The following ZFAT variants were observed in gnomAD, a reference collection of about 807,000 sequenced individuals.
The protein encoded by ZFAT is zinc finger protein ZFAT.
In ZFAT, 64 loss-of-function variants were observed where a neutral mutation model predicts 117.7. The observed-to-expected ratio is 0.54, with a 90% CI of 0.44 to 0.67. The LOEUF (loss-of-function observed/expected upper bound fraction) is 0.67. Among genes scored for constraint, ZFAT ranks in the 30% least tolerant of loss-of-function variants. The probability of loss-of-function intolerance (pLI) is 0.00; values close to 1 mark genes in which losing one functional copy is unlikely to be tolerated. For missense variants in ZFAT, 1,433 were observed against 1,584.5 expected, an observed-to-expected ratio of 0.90 and a Z score of 1.62; for synonymous variants, 679 against 615.0, an observed-to-expected ratio of 1.10 and a Z score of -1.54.
chr8:134,679,398 C>T (rs551789239), intron 1 of ZFAT, among the ~76,000 whole-genome samples: 2 of 152,326 alleles, frequency 1.3e-5, no homozygotes, highest in South Asian at 2.1e-4. Context: ...GATACCATCT[C>T]GCACCAGTTA....
At chr8:134,722,649 G>T in the ZFAT span, among the ~76,000 whole-genome samples, 1 of 152,220 alleles carries the variant, frequency 6.6e-6, no homozygotes, top group Non-Finnish European at 1.5e-5. Flanking sequence ...AAGCAGAGGA[G>T]GGGAGGGAGT....
At chr8:134,491,755 T>C (rs922643243) in intron 15 of ZFAT, among the ~76,000 whole-genome samples, 2 of 152,202 alleles carry the variant, frequency 1.3e-5, no homozygotes, top group African/African-American at 4.8e-5. Context: ...ACTGAGCCCA[T>C]GTGCATAATC....
chr8:134,545,065 A>G (rs1473907333), intron 11 of ZFAT, among the ~76,000 whole-genome samples: 2 of 152,242 alleles, frequency 1.3e-5, no homozygotes, highest in South Asian at 4.1e-4. Context: ...ATCCACTGCA[A>G]TTGAATGAAT....
chr8:134,583,740 T>C, intron 10 of ZFAT, 92 bp downstream of exon 10: 1 of 1,478,168 alleles, frequency 6.8e-7, no homozygotes, highest in Non-Finnish European at 9.1e-7. Context: ...TGCTCTTTCC[T>C]GCCTCTGGTA....
At chr8:134,518,453 A>C (rs1418240147) in intron 13 of ZFAT, among the ~76,000 whole-genome samples, 1 of 152,198 alleles carries the variant, frequency 6.6e-6, no homozygotes, top group African/African-American at 2.4e-5. Flanking sequence ...AAACTTTTGG[A>C]TCTCTGTCAA....
At chr8:134,740,279 G>A in the ZFAT span, among the ~76,000 whole-genome samples, 1 of 152,190 alleles carries the variant, frequency 6.6e-6, no homozygotes, top group Admixed American at 6.5e-5. Flanking sequence ...CTGAGAGCCT[G>A]AAGGCAAACA....
chr8:134,783,016 A>G, the ZFAT span, among the ~76,000 whole-genome samples: 1 of 152,070 alleles, frequency 6.6e-6, no homozygotes, highest in Admixed American at 6.6e-5. Context: ...TATTTTCAAC[A>G]TATGTTGAAA....
chr8:134,586,571 G>A (rs1285645718), intron 9 of ZFAT, among the ~76,000 whole-genome samples: 5 of 152,212 alleles, frequency 3.3e-5, no homozygotes, highest in Admixed American at 1.3e-4. Flanking sequence ...GGCCCTCTGT[G>A]CTTCCATCAG....
At chr8:134,795,982 G>C in the ZFAT span, 2 of 152,178 alleles carry the variant, frequency 1.3e-5, no homozygotes, top group African/African-American at 2.4e-5. Flanking sequence ...AGCCTCCACA[G>C]AAACTCAGAA....
At chr8:134,733,400 C>T in the ZFAT span, among the ~76,000 whole-genome samples, 1 of 152,150 alleles carries the variant, frequency 6.6e-6, no homozygotes, top group Non-Finnish European at 1.5e-5. Flanking sequence ...GCAGTTTATG[C>T]AATGGTTTTC....
chr8:134,516,052 A>G (rs1820230130), intron 13 of ZFAT, among the ~76,000 whole-genome samples: 1 of 152,226 alleles, frequency 6.6e-6, no homozygotes, highest in South Asian at 2.1e-4. Flanking sequence ...GAACTGATTA[A>G]TATGTCTCAT....
intron 12 of ZFAT, among the ~76,000 whole-genome samples, chr8:134,529,465 T>C (rs563746050): frequency 6.6e-6 from 1 of 152,318 alleles, no homozygotes; most frequent in East Asian, 1.9e-4. Flanking sequence ...TTCAAATCCA[T>C]ATTAATGAAG....
intron 3 of ZFAT, among the ~76,000 whole-genome samples, chr8:134,616,800 C>T (rs987019541): frequency 2.0e-5 from 3 of 152,140 alleles, no homozygotes; most frequent in African/African-American, 7.2e-5. Context: ...GGGCATGCAG[C>T]ACTCCGGAGT....
At chr8:134,733,460 G>T in the ZFAT span, among the ~76,000 whole-genome samples, 4 of 152,258 alleles carry the variant, frequency 2.6e-5, no homozygotes, top group Non-Finnish European at 5.9e-5. Flanking sequence ...GCCAGAGATG[G>T]AATGGGGATG....
intron 11 of ZFAT, among the ~76,000 whole-genome samples, chr8:134,564,351 C>A (rs189238308): frequency 6.6e-6 from 1 of 152,212 alleles, no homozygotes; most frequent in Admixed American, 6.5e-5. Flanking sequence ...GAACACCCCA[C>A]GCCCTGTCCC....
intron 1 of ZFAT, among the ~76,000 whole-genome samples, chr8:134,666,010 G>T (rs1832197240): frequency 6.6e-6 from 1 of 152,154 alleles, no homozygotes; most frequent in Admixed American, 6.6e-5. Context: ...TCCCAGCTGG[G>T]CTAGTGTCAG....
rs527711020 is a variant in ZFAT at position 134,660,040 on chromosome 8, G to A, written c.20-2303C>T. On this transcript the variant is annotated intron_variant, in intron 1 of 15. Coordinates refer to ENST00000377838, the MANE Select transcript of ZFAT (RefSeq NM_020863.4). ...TTTCCAGGAAACGTTCTATTCCTAA[G>A]GAACCCAAAATGCTTCCCGAACAAG... Among the ~76,000 whole-genome samples the A allele has an allele frequency of 1.6e-4, 25 of 152,300 alleles. 2 individuals are homozygous for A. In the South Asian group the frequency reaches 4.6e-3, roughly 28 times the overall value.
chr8:134,809,013 C>T, the ZFAT span, among the ~76,000 whole-genome samples: 2 of 152,332 alleles, frequency 1.3e-5, no homozygotes, highest in Admixed American at 6.5e-5. Context: ...AACAGGAGCA[C>T]GTCTCTTCTT....
At chr8:134,516,308 T>C (rs2130430859) in intron 13 of ZFAT, among the ~76,000 whole-genome samples, 1 of 152,368 alleles carries the variant, frequency 6.6e-6, no homozygotes, top group Middle Eastern at 3.4e-3. Flanking sequence ...TCATGGGTTA[T>C]ATTGGGCAGT....
Sources: gnomAD v4.1 joint callset for allele counts (sites outside exome capture counted in the v4.1 genomes callset) on GRCh38, gnomAD v4.1.1 for gene constraint, MANE v1.5 for transcripts, NCBI Gene and HGNC (gene_info 2026-07-23, HGNC 2026-07-21) for gene names.